Variants in CABLES1 observed in about 807,000 individuals in gnomAD.
CABLES1 encodes Cdk5 and Abl enzyme substrate 1.
CABLES1 carries 36 observed loss-of-function variants against 57.8 expected under a neutral mutation model. That is an observed-to-expected ratio of 0.62 (90% confidence interval 0.48 to 0.82). The LOEUF (loss-of-function observed/expected upper bound fraction) is 0.82. Ranked by LOEUF, CABLES1 falls within the 40% of genes least tolerant of loss-of-function variation. The pLI is 0.00. For synonymous variants in CABLES1, 374 were observed against 363.0 expected, an observed-to-expected ratio of 1.03 and a Z score of -0.35; for missense variants, 767 against 836.6, an observed-to-expected ratio of 0.92 and a Z score of 1.03.
At chr18:23,236,962 T>C (rs2047621556) in intron 6 of CABLES1, among the ~76,000 whole-genome samples, 180 bp from the exon 7 acceptor site, 1 of 152,136 alleles carries the variant, frequency 6.6e-6, no homozygotes, top group African/African-American at 2.4e-5. Flanking sequence ...AAGAGGAGAA[T>C]CCACTTCACT....
chr18:23,140,658 G>A (rs771800184), intron 1 of CABLES1, among the ~76,000 whole-genome samples: 14 of 152,108 alleles, frequency 9.2e-5, no homozygotes, highest in African/African-American at 1.4e-4. Flanking sequence ...GGCTGGTCTC[G>A]AACTCCTGAC....
chr18:23,180,198 G>A (rs2047155313), intron 1 of CABLES1, among the ~76,000 whole-genome samples: 1 of 152,174 alleles, frequency 6.6e-6, no homozygotes, highest in Admixed American at 6.5e-5. Flanking sequence ...TAGGATTACA[G>A]GCATGAGCCA....
intron 7 of CABLES1, among the ~76,000 whole-genome samples, chr18:23,248,255 G>C (rs1274509461): frequency 2.0e-5 from 3 of 152,220 alleles, no homozygotes; most frequent in Non-Finnish European, 4.4e-5. Flanking sequence ...ATGGGGATCA[G>C]AAGCTCTTTC....
chr18:23,239,285 G>A (rs2047678072), intron 7 of CABLES1, among the ~76,000 whole-genome samples: 1 of 152,226 alleles, frequency 6.6e-6, no homozygotes, highest in Non-Finnish European at 1.5e-5. Context: ...TGGCTCTGCA[G>A]TCAGTGCTTC....
intron 4 of CABLES1, among the ~76,000 whole-genome samples, chr18:23,223,570 T>C (rs1598838894): frequency 2.3e-5 from 3 of 130,234 alleles, no homozygotes; most frequent in East Asian, 2.2e-4. Flanking sequence ...AGAATGAGAC[T>C]CCGTCTCAGA....
intron 1 of CABLES1, among the ~76,000 whole-genome samples, chr18:23,186,414 T>C (rs2047202747): frequency 6.6e-6 from 1 of 151,656 alleles, no homozygotes; most frequent in African/African-American, 2.4e-5. Context: ...GCTTGCTTTC[T>C]TTTCTCTTCT....
At chr18:23,223,161 T>C (rs7227562) in intron 4 of CABLES1, among the ~76,000 whole-genome samples, 149,087 of 152,308 alleles carry the variant, frequency 0.98, 72,984 homozygotes, top group East Asian at 1. Flanking sequence ...GACAGGTTTA[T>C]CTAGTCCTCT....
intron 1 of CABLES1, among the ~76,000 whole-genome samples, chr18:23,140,593 C>T (rs1042718177): frequency 2.2e-4 from 33 of 152,216 alleles, no homozygotes; most frequent in African/African-American, 6.3e-4. Context: ...TGCGCCACCA[C>T]GCCTGGCTGA....
At chr18:23,252,850 T>C (rs929602204) in intron 7 of CABLES1, 110 bp from the exon 8 acceptor site, 1 of 680,620 alleles carries the variant, frequency 1.5e-6, no homozygotes, top group African/African-American at 1.8e-5. Context: ...CAATGCAAGT[T>C]TTCCCGTTGC....
At chr18:23,248,550 G>T (rs962678426) in intron 7 of CABLES1, among the ~76,000 whole-genome samples, 1 of 120,952 alleles carries the variant, frequency 8.3e-6, no homozygotes, top group Non-Finnish European at 1.8e-5. Flanking sequence ...AAAAAAGGCT[G>T]GACGTGGTGG....
intron 1 of CABLES1, among the ~76,000 whole-genome samples, chr18:23,148,584 G>A (rs968101159): frequency 6.6e-6 from 1 of 152,188 alleles, no homozygotes; most frequent in Non-Finnish European, 1.5e-5. Context: ...GATAAATGGG[G>A]CCCAGTGCCC....
At chr18:23,179,974 A>G (rs2047152850) in intron 1 of CABLES1, among the ~76,000 whole-genome samples, 1 of 152,194 alleles carries the variant, frequency 6.6e-6, no homozygotes, top group Admixed American at 6.5e-5. Flanking sequence ...GCTGGAGTGC[A>G]GTGGCGCAAT....
chr18:23,197,804 C>T (rs1461327493), intron 3 of CABLES1: 1 of 152,222 alleles, frequency 6.6e-6, no homozygotes, highest in Non-Finnish European at 1.5e-5. Flanking sequence ...TGGAAAAGAA[C>T]ACTGGATTTT....
In CABLES1 at chr18:23,218,636, C is replaced by G. The variant is rs112516965; in HGVS notation, c.1088+4582C>G. On this transcript the variant is annotated intron_variant, in intron 4 of 9. Coordinates refer to ENST00000256925, the MANE Select transcript of CABLES1 (RefSeq NM_001100619.3). ...GGCTCCCGCATCCTCACTTGCCCTG[C>G]CTCCCGCATCCTCACTTGCCCTGGC... 5.1e-3 allele frequency among the ~76,000 whole-genome samples: 555 copies of G among 109,442 alleles called. 6 individuals are homozygous for G. Among genetic ancestry groups the G allele is most frequent in the African/African-American group, 0.013 (352 of 26,214 alleles). 71.8% of individuals were successfully genotyped at this position (109,442 alleles called of 152,430 possible).
chr18:23,183,163 A>G (rs1248058350), intron 1 of CABLES1, among the ~76,000 whole-genome samples: 1 of 152,334 alleles, frequency 6.6e-6, no homozygotes, highest in South Asian at 2.1e-4. Flanking sequence ...CCTTTTCTGC[A>G]TAAAAGTCAC....
rs2046815312 is a variant in CABLES1, at chr18:23,135,884, C to G, written c.122C>G (p.Ala41Gly). Residue 41 changes from alanine to glycine, a missense_variant, in exon 1 of 10, where the codon GCC becomes GGC. This residue lies in a region of CABLES1 where 198 missense variants were observed against 149.7 expected (regional missense o/e 1.32). Transcript: ENST00000256925. Reference sequence around the variant, plus strand: ...CCGCAGCCCCAGCCTCAGCCCGCGGCCGCCGCGCCGGCCCAGCCGCCGCCC... The same window carrying G: ...CCGCAGCCCCAGCCTCAGCCCGCGGGCGCCGCGCCGGCCCAGCCGCCGCCC... The part of the protein sequence containing the change: ...PPPQPQPQPA[A>G]AAPAQPPPEP... 3.8e-6 allele frequency: 4 copies of G among 1,051,368 alleles called. No individual in the cohort carries two copies. The highest frequency in any genetic ancestry group is 4.6e-6 in the Non-Finnish European group (4 of 876,832). The allele number at this position is 1,051,368 out of a possible 1,614,324, so 65.1% of individuals were successfully genotyped here.
intron 7 of CABLES1, among the ~76,000 whole-genome samples, chr18:23,245,961 A>G (rs2047867272): frequency 6.6e-6 from 1 of 152,208 alleles, no homozygotes; most frequent in Non-Finnish European, 1.5e-5. Context: ...GCCTGGAGTT[A>G]GGTGGCATTG....
chr18:23,158,612 CT>C lies in CABLES1; in HGVS notation c.845+22008del, dbSNP rs546545809. Among the ~76,000 whole-genome samples, 104 of 152,252 alleles carry C rather than the reference CT, an allele frequency of 6.8e-4. No individual in the cohort carries two copies. The South Asian group carries it at 8.7e-3, about 13-fold the overall frequency. ...TTTGGGCCTGGAAAGTGTTTTGGAG[CT>C]TTATTTATCCAGTTTAACTGTCAGC... On this transcript the variant is annotated intron_variant, in intron 1 of 9. Transcript: ENST00000256925.
rs768961608 is a variant in CABLES1, at chr18:23,136,452, C to T, written c.690C>T (p.Pro230=). The part of the protein sequence containing the change: ...PAAAFLGSGT[P]GSGSGSRGRL... Reference sequence around the variant, plus strand: ...CCGCCTTTTTGGGCTCCGGGACCCCCGGGAGTGGGAGCGGCAGTCGGGGAC... The same window carrying T: ...CCGCCTTTTTGGGCTCCGGGACCCCTGGGAGTGGGAGCGGCAGTCGGGGAC... Residue 230 remains proline (P), a synonymous_variant, in exon 1 of 10, where the codon CCC becomes CCT. Coordinates refer to ENST00000256925, the MANE Select transcript of CABLES1 (RefSeq NM_001100619.3). 2.5e-6 allele frequency: 4 copies of T among 1,604,398 alleles called. No homozygotes were observed. In the South Asian group the frequency reaches 4.4e-5, roughly 18 times the overall value.
Sources: gnomAD v4.1 joint callset for allele counts (sites outside exome capture counted in the v4.1 genomes callset) on GRCh38, gnomAD v4.1.1 for gene constraint, gnomAD v4.1.1 regional missense constraint, MANE v1.5 for transcripts, NCBI Gene and HGNC (gene_info 2026-07-23, HGNC 2026-07-21) for gene names.